Variants in EYA1 observed in about 807,000 individuals in gnomAD.
EYA1 encodes the protein EYA transcriptional coactivator and phosphatase 1, also known as protein phosphatase EYA1.
A neutral mutation model predicts 82.0 loss-of-function variants in EYA1; 16 were observed. The observed-to-expected ratio is 0.20, with a 90% CI of 0.13 to 0.30. The LOEUF (loss-of-function observed/expected upper bound fraction) is 0.30. Ranked by LOEUF, EYA1 falls within the 10% of genes least tolerant of loss-of-function variation. The pLI is 1.00. For missense variants in EYA1, 633 were observed against 730.7 expected (o/e 0.87, Z 1.54); for synonymous variants, 261 against 264.4 (o/e 0.99, Z 0.12).
At chr8:71,389,007 C>T (rs192264768) in intron 2 of EYA1, among the ~76,000 whole-genome samples, 13 of 151,822 alleles carry the variant, frequency 8.6e-5, no homozygotes, top group Non-Finnish European at 1.6e-4. Context: ...CCCCTCCACA[C>T]GAGAACGCCT....
At chr8:71,441,663 G>T (rs1189569810) in intron 2 of EYA1, among the ~76,000 whole-genome samples, 1 of 152,086 alleles carries the variant, frequency 6.6e-6, no homozygotes, top group East Asian at 1.9e-4. Flanking sequence ...ATGGGATGAT[G>T]GACAAGTAAA....
chr8:71,401,870 G>A (rs774074465), intron 2 of EYA1, among the ~76,000 whole-genome samples: 1 of 152,112 alleles, frequency 6.6e-6, no homozygotes, highest in Non-Finnish European at 1.5e-5. Context: ...TTCTCTGTCT[G>A]CTTATGATTT....
chr8:71,331,796 T>C (rs1823906559), intron 4 of EYA1, among the ~76,000 whole-genome samples: 1 of 152,208 alleles, frequency 6.6e-6, no homozygotes, highest in African/African-American at 2.4e-5. Flanking sequence ...AGTGCTTCCT[T>C]AAAATTCTTC....
At chr8:71,481,170 TAAAA>T (rs559922694) in intron 2 of EYA1, among the ~76,000 whole-genome samples, 1 of 152,144 alleles carries the variant, frequency 6.6e-6, no homozygotes, top group African/African-American at 2.4e-5. Context: ...TTAGAAAAGT[TAAAA>T]AAAGTTTACT....
intron 12 of EYA1, among the ~76,000 whole-genome samples, chr8:71,233,248 C>A (rs983765558): frequency 6.6e-6 from 1 of 152,158 alleles, no homozygotes; most frequent in Non-Finnish European, 1.5e-5. Context: ...GAAATTATTT[C>A]TGTATCATTT....
At chr8:71,337,863 G>T (rs1824674458) in intron 3 of EYA1, among the ~76,000 whole-genome samples, 1 of 152,220 alleles carries the variant, frequency 6.6e-6, no homozygotes, top group Non-Finnish European at 1.5e-5. Flanking sequence ...ACTATCAGTT[G>T]AATTTCAATC....
At chr8:71,499,962 A>G (rs1051902367) in intron 2 of EYA1, among the ~76,000 whole-genome samples, 5 of 152,236 alleles carry the variant, frequency 3.3e-5, no homozygotes, top group African/African-American at 4.8e-5. Context: ...ACTTGACAGC[A>G]AAAGTGGAGA....
Position 71,197,699 on chromosome 8 carries a change from A to G in EYA1, c.*1641T>C, listed in dbSNP as rs534503743. 1.3e-5 allele frequency: 2 copies of G among 152,802 alleles called. No individual in the cohort carries two copies. The highest frequency in any genetic ancestry group is 3.9e-4 in the East Asian group (2 of 5,194). The allele number at this position is 152,802 out of a possible 1,614,324, so 9.5% of individuals were successfully genotyped here. ...AAATGACTATTTCTAGCAGCAACACACAACTTCAGAAAAGAATGAAGTAGC... is the reference window on the plus strand; with the variant it reads ...AAATGACTATTTCTAGCAGCAACACGCAACTTCAGAAAAGAATGAAGTAGC... On this transcript the variant is annotated 3_prime_UTR_variant, in exon 18 of 18. Coordinates refer to ENST00000340726, the MANE Select transcript of EYA1 (RefSeq NM_000503.6).
At chr8:71,386,399 T>C (rs1452433291) in intron 2 of EYA1, among the ~76,000 whole-genome samples, 2 of 152,236 alleles carry the variant, frequency 1.3e-5, no homozygotes, top group Non-Finnish European at 2.9e-5. Context: ...GTGGATTCAT[T>C]GTTGCTGGCT....
At chr8:71,513,772 C>A (rs1485412664) in intron 2 of EYA1, among the ~76,000 whole-genome samples, 4 of 152,066 alleles carry the variant, frequency 2.6e-5, no homozygotes, top group South Asian at 2.1e-4. Context: ...TGCTTCCCAG[C>A]CTTCTACTCT....
intron 10 of EYA1, among the ~76,000 whole-genome samples, chr8:71,271,107 C>T (rs1435688703): frequency 6.6e-6 from 1 of 152,142 alleles, no homozygotes; most frequent in Admixed American, 6.5e-5. Flanking sequence ...AAGACTCCAT[C>T]TTCAAAACAA....
At position 71,361,949 on chromosome 8, in the gene EYA1, C is replaced by A. The variant is rs1487377740; in HGVS notation, c.-357G>T. The A allele has an allele frequency of 2.0e-6, 2 of 985,316 alleles. No homozygotes were observed. Among genetic ancestry groups the A allele is most frequent in the East Asian group, 1.1e-4 (1 of 8,808 alleles). The allele number at this position is 985,316 out of a possible 1,614,324, so 61.0% of individuals were successfully genotyped here. On this transcript the variant is annotated 5_prime_UTR_variant, in exon 1 of 18. Transcript: ENST00000340726. Reference sequence around the variant, plus strand: ...CAGGAAGGCTTAAAGTCGGAAGTGGCACTGGAGAGTTTCTACCTCGCCCCA... The same window carrying A: ...CAGGAAGGCTTAAAGTCGGAAGTGGAACTGGAGAGTTTCTACCTCGCCCCA...
rs1328667856 is a variant in EYA1, at chr8:71,197,504, G to A, written c.*1836C>T. The A allele has an allele frequency of 1.3e-5, 2 of 152,434 alleles. No individual in the cohort carries two copies. Among genetic ancestry groups the A allele is most frequent in the Non-Finnish European group, 2.9e-5 (2 of 68,028 alleles). 9.4% of individuals were successfully genotyped at this position (152,434 alleles called of 1,614,324 possible). A position where few individuals can be genotyped will look rare whatever the true frequency, so the allele number is the denominator to read the frequency against. On this transcript the variant is annotated 3_prime_UTR_variant, in exon 18 of 18. Coordinates refer to ENST00000340726, the MANE Select transcript of EYA1 (RefSeq NM_000503.6). ...ATGAAGAAAAATTCTGTACACAACG[G>A]TGGACACAGCACACCTTTATACAGT...
intron 10 of EYA1, 149 bp from the exon 11 acceptor site, chr8:71,269,972 G>T: frequency 1.4e-6 from 1 of 693,006 alleles, no homozygotes. Context: ...CTGTTTCAAA[G>T]AGTATCTCCT....
At chr8:71,225,476 G>T (rs1810446683) in intron 12 of EYA1, among the ~76,000 whole-genome samples, 2 of 152,152 alleles carry the variant, frequency 1.3e-5, no homozygotes, top group African/African-American at 4.8e-5. Context: ...TGTGGCTAAG[G>T]CACAGGGGAT....
In EYA1 at chr8:71,356,524, G is replaced by A. The variant is rs557877167; in HGVS notation, c.-54-13C>T. On this transcript the variant is annotated splice_polypyrimidine_tract_variant and intron_variant, in intron 1 of 17. Transcript: ENST00000340726. ...GAGATGTTTGCACCTGTGATCAGGG[G>A]TAAAAAAATTAGAAGATGTTGTTAC... 23 of 1,563,552 alleles carry A rather than the reference G, an allele frequency of 1.5e-5. No homozygotes were observed. In the South Asian group the frequency reaches 1.9e-4, roughly 13 times the overall value.
chr8:71,320,529 A>G (rs989766027), intron 6 of EYA1, among the ~76,000 whole-genome samples: 3 of 152,182 alleles, frequency 2.0e-5, no homozygotes, highest in African/African-American at 7.2e-5. Flanking sequence ...TGTGAATAAA[A>G]GTTATGGAAA....
intron 2 of EYA1, among the ~76,000 whole-genome samples, chr8:71,453,400 A>C (rs976631377): frequency 6.6e-6 from 1 of 152,192 alleles, no homozygotes; most frequent in Admixed American, 6.5e-5. Context: ...CCAACATTCA[A>C]ATTCAGGAAA....
At chr8:71,479,154 T>G (rs1809907969) in intron 2 of EYA1, among the ~76,000 whole-genome samples, 1 of 152,138 alleles carries the variant, frequency 6.6e-6, no homozygotes, top group African/African-American at 2.4e-5. Context: ...CTTCCTTCAC[T>G]ACAGTCACTG....
Sources: allele counts gnomAD v4.1 joint callset (sites outside exome capture counted in the v4.1 genomes callset), GRCh38; gene constraint gnomAD v4.1.1; transcripts MANE v1.5; gene names NCBI Gene and HGNC (gene_info 2026-07-23, HGNC 2026-07-21).